COMMD6: variants seen among roughly 807,000 people sequenced by gnomAD.
COMMD6 encodes the protein COMM domain containing 6, also known as COMM domain-containing protein 6.
COMMD6 carries 11 observed loss-of-function variants against 13.4 expected under a neutral mutation model. That is an observed-to-expected ratio of 0.82 (90% CI 0.52 to 1.36). The LOEUF (loss-of-function observed/expected upper bound fraction) is 1.36. COMMD6 is among the 40% of genes most tolerant of loss of function. The pLI is 0.00. For synonymous variants in COMMD6, 43 were observed against 36.5 expected (o/e 1.18, Z -0.64); for missense variants, 124 against 102.4 (o/e 1.21, Z -0.91).
chr13:75,526,445 G>A lies in COMMD6; in HGVS notation c.*144C>T. On this transcript the variant is annotated 3_prime_UTR_variant, in exon 4 of 4. Coordinates refer to ENST00000682242, the MANE Select transcript of COMMD6 (RefSeq NM_203495.4). ...CATCACCACTACCCAGTTCCTGTTT[G>A]TCTGATTTTTATTATTTAAAAAAAT... 1.6e-6 allele frequency: 1 copy of A among 624,354 alleles called. No individual in the cohort carries two copies. The highest frequency in any genetic ancestry group is 2.8e-6 in the Non-Finnish European group (1 of 357,168). The allele number at this position is 624,354 out of a possible 1,614,324, so 38.7% of individuals were successfully genotyped here. A position where few individuals can be genotyped will look rare whatever the true frequency, so the allele number is the denominator to read the frequency against.
At chr13:75,531,811 A>C (rs1263124284) in intron 2 of COMMD6, among the ~76,000 whole-genome samples, 1 of 152,218 alleles carries the variant, frequency 6.6e-6, no homozygotes, top group Non-Finnish European at 1.5e-5. Flanking sequence ...TTAGCTAGTA[A>C]AACTGAAGCT....
chr13:75,538,761 C>A (rs955315675), upstream of COMMD6: 2 of 152,328 alleles, frequency 1.3e-5, no homozygotes, highest in Admixed American at 6.5e-5. Context: ...ACCCCATCCA[C>A]AACTAGAATC....
intron 1 of COMMD6, among the ~76,000 whole-genome samples, chr13:75,545,020 T>C (rs893064199): frequency 6.6e-6 from 1 of 151,702 alleles, no homozygotes; most frequent in African/African-American, 2.4e-5. Flanking sequence ...TGATCAAGTG[T>C]GGAGAATGAG....
Position 75,526,655 on chromosome 13 carries a change from GA to G in COMMD6, c.208-17del. On this transcript the variant is annotated splice_polypyrimidine_tract_variant and intron_variant, in intron 3 of 3. Transcript: ENST00000682242. ...TGTAGAAATTCTGGAGAGAAAGGGG[GA>G]AAATAATATTAATTTTGCTTTTAGA... The G allele has an allele frequency of 6.4e-7, 1 of 1,570,298 alleles. No individual in the cohort carries two copies. Among genetic ancestry groups the G allele is most frequent in the Non-Finnish European group, 8.7e-7 (1 of 1,145,946 alleles).
At chr13:75,545,938 G>C (rs1430321752) in intron 1 of COMMD6, among the ~76,000 whole-genome samples, 1 of 152,136 alleles carries the variant, frequency 6.6e-6, no homozygotes, top group South Asian at 2.1e-4. Context: ...GCACAATAGG[G>C]TGACTATAGT....
intron 2 of COMMD6, among the ~76,000 whole-genome samples, chr13:75,536,628 A>C (rs1019496521): frequency 6.6e-6 from 1 of 152,202 alleles, no homozygotes; most frequent in African/African-American, 2.4e-5. Context: ...TGAAGATGGA[A>C]GCAGAGGCCA....
chr13:75,530,499 CAA>C, intron 2 of COMMD6: 1 of 304,956 alleles, frequency 3.3e-6, no homozygotes, highest in Non-Finnish European at 5.9e-6. Context: ...ATGGAAAAAA[CAA>C]AAAGTGAAAA....
chr13:75,537,780 A>C lies in COMMD6; in HGVS notation c.26T>G (p.Leu9Arg). MEASSEPP[L>R]DAKSDVTNQL... ...GGAACTCACATCGGACTTAGCATCC[A>C]GCGGCGGCTCGCTGGACGCCTCCAT... Residue 9 changes from leucine to arginine, a missense_variant, in exon 1 of 4, where the codon CTG becomes CGG. Coordinates refer to ENST00000682242, the MANE Select transcript of COMMD6 (RefSeq NM_203495.4). The C allele has an allele frequency of 6.2e-7, 1 of 1,611,656 alleles. No individual in the cohort carries two copies. Among genetic ancestry groups the C allele is most frequent in the Non-Finnish European group, 8.5e-7 (1 of 1,178,232 alleles).
chr13:75,527,959 T>C (rs1330959652), intron 3 of COMMD6: 9 of 1,274,298 alleles, frequency 7.1e-6, no homozygotes, highest in South Asian at 5.4e-5. Context: ...ATATTGTTAT[T>C]GTTTACTTGA....
chr13:75,531,890 T>C (rs2075506964), intron 2 of COMMD6, among the ~76,000 whole-genome samples: 1 of 152,234 alleles, frequency 6.6e-6, no homozygotes, highest in South Asian at 2.1e-4. Flanking sequence ...GTACACAGGA[T>C]ACATATATGA....
chr13:75,537,765 T>TCGGAC lies in COMMD6; in HGVS notation c.36_40dup (p.Asp14GlyfsTer9), dbSNP rs1284753200. 6.2e-7 allele frequency: 1 copy of TCGGAC among 1,613,550 alleles called. No homozygotes were observed. Among genetic ancestry groups the TCGGAC allele is most frequent in the Non-Finnish European group, 8.5e-7 (1 of 1,179,676 alleles). On this transcript the variant is annotated frameshift_variant and splice_region_variant, in exon 1 of 4. Transcript: ENST00000682242. LOFTEE classifies it high-confidence loss of function. ...CTCTCCTTCCAGGTTGGAACTCACA[T>TCGGAC]CGGACTTAGCATCCAGCGGCGGCTC...
chr13:75,546,491 G>A (rs1370851514), intron 1 of COMMD6, among the ~76,000 whole-genome samples: 1 of 152,196 alleles, frequency 6.6e-6, no homozygotes, highest in East Asian at 1.9e-4. Flanking sequence ...AAGTACTCTT[G>A]TTAAGGCATC....
At chr13:75,541,532 G>A (rs1292046172), upstream of COMMD6, among the ~76,000 whole-genome samples, 1 of 152,008 alleles carries the variant, frequency 6.6e-6, no homozygotes, top group African/African-American at 2.4e-5. Context: ...AATTCTCAGA[G>A]AAGGACTCTA....
At chr13:75,539,225 T>TTAAGAA (rs55653969), upstream of COMMD6, among the ~76,000 whole-genome samples, 145,563 of 151,258 alleles carry the variant, frequency 0.96, 70,072 homozygotes, top group East Asian at 1. Flanking sequence ...AACCAAACAA[T>TTAAGAA]TAACTTTTTT....
At chr13:75,533,331 C>A (rs928484850) in intron 2 of COMMD6, among the ~76,000 whole-genome samples, 8 of 152,142 alleles carry the variant, frequency 5.3e-5, no homozygotes, top group East Asian at 1.9e-4. Context: ...CTTTGGGAGG[C>A]CAAGGCAGGT....
At chr13:75,539,491 C>T (rs1244970055), upstream of COMMD6, among the ~76,000 whole-genome samples, 6 of 151,912 alleles carry the variant, frequency 3.9e-5, no homozygotes, top group African/African-American at 9.7e-5. Context: ...CCACCCACCT[C>T]GGGCCTTGGC....
chr13:75,531,947 CA>C (rs764022999), intron 2 of COMMD6, among the ~76,000 whole-genome samples: 1 of 152,128 alleles, frequency 6.6e-6, no homozygotes, highest in Non-Finnish European at 1.5e-5. Context: ...ACTGAAAACC[CA>C]AATGTTCAAC....
At chr13:75,544,926 C>CAAAAAAAAAAAAAAAAAAAAAAAAA (rs10708731) in intron 1 of COMMD6, among the ~76,000 whole-genome samples, 2 of 104,548 alleles carry the variant, frequency 1.9e-5, no homozygotes, top group South Asian at 3.2e-4. Context: ...ACTCTGTCTC[C>CAAAAAAAAAAAAAAAAAAAAAAAAA]AAAAAAAAAA....
At chr13:75,531,880 G>C (rs2030490934) in intron 2 of COMMD6, among the ~76,000 whole-genome samples, 1 of 152,158 alleles carries the variant, frequency 6.6e-6, no homozygotes, top group South Asian at 2.1e-4. Context: ...TTTTGAATAT[G>C]TACACAGGAT....
Sources: allele counts gnomAD v4.1 joint callset (sites outside exome capture counted in the v4.1 genomes callset), GRCh38; gene constraint gnomAD v4.1.1; transcripts MANE v1.5; gene names NCBI Gene and HGNC (gene_info 2026-07-23, HGNC 2026-07-21).